Variants in MYOM3 observed in about 807,000 individuals in gnomAD.
The protein encoded by MYOM3 is myomesin 3, also known as myomesin-3.
In MYOM3, 155 loss-of-function variants were observed where a neutral mutation model predicts 191.7. That is an observed-to-expected ratio of 0.81 (90% CI 0.71 to 0.92). The LOEUF (loss-of-function observed/expected upper bound fraction) is 0.92. MYOM3 is among the 40% of genes least tolerant of loss of function. MYOM3 has a pLI of 0.00. For synonymous variants in MYOM3, 757 were observed against 762.9 expected, an observed-to-expected ratio of 0.99 and a Z score of 0.13; for missense variants, 1,889 against 1,890.6, an observed-to-expected ratio of 1.00 and a Z score of 0.02.
At position 24,080,195 on chromosome 1, in the gene MYOM3, C is replaced by T. The variant is rs1257657459; in HGVS notation, c.2408-1G>A. 2.5e-6 allele frequency: 4 copies of T among 1,605,746 alleles called. No homozygotes were observed. The highest frequency in any genetic ancestry group is 1.3e-5 in the African/African-American group (1 of 74,534). On this transcript the variant is annotated splice_acceptor_variant, in intron 19 of 36. Coordinates refer to ENST00000374434, the MANE Select transcript of MYOM3 (RefSeq NM_152372.4). LOFTEE classifies it high-confidence loss of function. ...GATGCCCGTACATCGTACGGGGGGCCTGTGACAAGTGAGAGATGGGAAGAG... is the reference window on the plus strand; with the variant it reads ...GATGCCCGTACATCGTACGGGGGGCTTGTGACAAGTGAGAGATGGGAAGAG...
chr1:24,093,928 G>A (rs112469030), intron 9 of MYOM3, among the ~76,000 whole-genome samples: 168 of 152,188 alleles, frequency 1.1e-3, no homozygotes, highest in African/African-American at 3.8e-3. Context: ...AGGTCCAGCC[G>A]TCGTCCTCCT....
intron 29 of MYOM3, among the ~76,000 whole-genome samples, chr1:24,065,410 T>C (rs1643421587): frequency 6.6e-6 from 1 of 152,076 alleles, no homozygotes; most frequent in Non-Finnish European, 1.5e-5. Flanking sequence ...GGGGGGAGAA[T>C]TGAGCTCCAG....
chr1:24,071,805 G>A (rs563597261), intron 24 of MYOM3, among the ~76,000 whole-genome samples, 164 bp downstream of exon 24: 1 of 152,118 alleles, frequency 6.6e-6, no homozygotes, highest in South Asian at 2.1e-4. Context: ...TTTTCCTTCC[G>A]TGAGCTTCCC....
At chr1:24,076,406 C>A in intron 20 of MYOM3, 133 bp from the exon 21 acceptor site, 1 of 619,084 alleles carries the variant, frequency 1.6e-6, no homozygotes, top group Non-Finnish European at 3.0e-6. Flanking sequence ...TTCCATGTGA[C>A]AAAGATGGCC....
intron 8 of MYOM3, 28 bp from the exon 9 acceptor site, chr1:24,095,018 A>G: frequency 6.2e-7 from 1 of 1,605,538 alleles, no homozygotes; most frequent in South Asian, 1.1e-5. Context: ...TTTGGGGCAG[A>G]AGTTTTTGAG....
intron 27 of MYOM3, among the ~76,000 whole-genome samples, chr1:24,067,643 A>T (rs1220708032): frequency 2.6e-5 from 4 of 151,632 alleles, no homozygotes; most frequent in African/African-American, 9.7e-5. Context: ...TGTATTTTTC[A>T]TAGAGATAGG....
At chr1:24,091,487 C>T (rs936434481) in intron 11 of MYOM3, among the ~76,000 whole-genome samples, 101 of 152,186 alleles carry the variant, frequency 6.6e-4, no homozygotes, top group Non-Finnish European at 2.6e-4. Flanking sequence ...CGACAGTGCA[C>T]GTTACCCTTA....
intron 28 of MYOM3, 102 bp from the exon 29 acceptor site, chr1:24,066,103 A>G (rs747238758): frequency 2.7e-5 from 22 of 800,226 alleles, no homozygotes; most frequent in Non-Finnish European, 4.5e-6. Flanking sequence ...GTCCTTTCAC[A>G]TACCATGTGT....
At position 24,111,529 on chromosome 1, in the gene MYOM3, G is replaced by A. The variant is rs1234995517; in HGVS notation, c.-19+502C>T. ...AGCTGAGGCAACTCCTTTCCCGTCTGGGCCTCGGTTTCCTGTCAGGCACTG... is the reference window on the plus strand; with the variant it reads ...AGCTGAGGCAACTCCTTTCCCGTCTAGGCCTCGGTTTCCTGTCAGGCACTG... On this transcript the variant is annotated intron_variant, in intron 1 of 36. Coordinates refer to ENST00000374434, the MANE Select transcript of MYOM3 (RefSeq NM_152372.4). The surrounding 1 kb of genome is among the most constrained non-coding windows in gnomAD (Gnocchi z 4.7). Among the ~76,000 whole-genome samples, 1 of 152,184 alleles carries A rather than the reference G, an allele frequency of 6.6e-6. No individual in the cohort carries two copies. The highest frequency in any genetic ancestry group is 2.4e-5 in the African/African-American group (1 of 41,444).
chr1:24,067,419 C>T (rs1229354534), intron 27 of MYOM3, among the ~76,000 whole-genome samples: 152 of 98,684 alleles, frequency 1.5e-3, no homozygotes, highest in Non-Finnish European at 2.1e-3. Context: ...TCCTTCCTTC[C>T]TTCCTTCCTT....
chr1:24,067,395 C>T (rs56286747), intron 27 of MYOM3, among the ~76,000 whole-genome samples: 1,824 of 28,938 alleles, frequency 0.063, 69 homozygotes, highest in South Asian at 0.13. Flanking sequence ...TTTTTCCTTC[C>T]TTCCTTCCTT....
chr1:24,071,318 C>T, intron 24 of MYOM3, 65 bp from the exon 25 acceptor site: 1 of 1,539,088 alleles, frequency 6.5e-7, no homozygotes, highest in Non-Finnish European at 8.8e-7. Flanking sequence ...TCCCTTCCAG[C>T]CCCACCTTGA....
In MYOM3 at chr1:24,108,492, G is replaced by T. The variant is rs773609917; in HGVS notation, c.145C>A (p.Arg49=). The change falls in exon 2 of 37, where the codon CGG becomes AGG. Residue 49 remains arginine, a synonymous_variant. Coordinates refer to ENST00000374434, the MANE Select transcript of MYOM3 (RefSeq NM_152372.4). ...GGCTCCCACCTGCTGCGGAAGGTCC[G>T]CCTCCGCACAGAGGAGCCCATGCGC... ...SLRMGSSVRR[R]TFRSSEEEHE... The T allele has an allele frequency of 3.2e-6, 5 of 1,565,726 alleles. No individual in the cohort carries two copies. The highest frequency in any genetic ancestry group is 3.5e-6 in the Non-Finnish European group (4 of 1,154,688).
chr1:24,085,232 G>A (rs925216958), intron 15 of MYOM3, among the ~76,000 whole-genome samples: 1 of 151,252 alleles, frequency 6.6e-6, no homozygotes, highest in African/African-American at 2.4e-5. Flanking sequence ...ATGGATGGAT[G>A]GACAGGTGGA....
chr1:24,067,284 CTTTCTTTCTTTCTTTCT>C lies in MYOM3; in HGVS notation c.3356-213_3356-197del, dbSNP rs1557602238. Reference sequence around the variant, plus strand: ...AATTTCTTTCTTTCTTTCTTCCTTCCTTTCTTTCTTTCTTTCTTTCCTTCTTTCTTTCTTTCTTTCCT... The same window carrying C: ...AATTTCTTTCTTTCTTTCTTCCTTCCTTCCTTCTTTCTTTCTTTCTTTCCT... On this transcript the variant is annotated intron_variant, in intron 27 of 36. Coordinates refer to ENST00000374434, the MANE Select transcript of MYOM3 (RefSeq NM_152372.4). Among the ~76,000 whole-genome samples the C allele has an allele frequency of 2.0e-4, 12 of 58,730 alleles. 1 individual carries two copies. Among genetic ancestry groups the C allele is most frequent in the South Asian group, 1.7e-3 (4 of 2,356 alleles). 38.5% of individuals were successfully genotyped at this position (58,730 alleles called of 152,430 possible). A position where few individuals can be genotyped will look rare whatever the true frequency, so the allele number is the denominator to read the frequency against.
At chr1:24,074,746 G>C (rs748165142) in intron 22 of MYOM3, among the ~76,000 whole-genome samples, 1 of 152,214 alleles carries the variant, frequency 6.6e-6, no homozygotes, top group Non-Finnish European at 1.5e-5. Flanking sequence ...AAGGTACTTA[G>C]TTAGAGGCAC....
chr1:24,082,946 T>G (rs1371572553), intron 16 of MYOM3: 22 of 428,736 alleles, frequency 5.1e-5, no homozygotes, highest in Admixed American at 9.1e-5. Context: ...GATCCACCCT[T>G]AAAACGCAAA....
Position 24,092,996 on chromosome 1 carries a change from C to T in MYOM3, c.1041G>A (p.Val347=), listed in dbSNP as rs373848788. 86 of 1,611,364 alleles carry T rather than the reference C, an allele frequency of 5.3e-5. No homozygotes were observed. The African/African-American group carries it at 1.1e-3, about 20-fold the overall frequency. Residue 347 remains valine, a synonymous_variant, in exon 10 of 37, where the codon GTG becomes GTA. Coordinates refer to ENST00000374434, the MANE Select transcript of MYOM3 (RefSeq NM_152372.4). ...GTTCCCGGGGTCCGAAGGGCGAGGG[C>T]ACCCGGACCATGTAGAGCCCCTCGT... ...KEDEGLYMVR[V]PSPFGPREQS... is the part of the protein sequence containing the mutation.
chr1:24,102,191 C>T (rs1000498740), intron 5 of MYOM3, among the ~76,000 whole-genome samples: 8 of 152,226 alleles, frequency 5.3e-5, no homozygotes, highest in African/African-American at 1.7e-4. Flanking sequence ...GGCAACCAAA[C>T]ACAGCCACAC....
Sources: gnomAD v4.1 joint callset for allele counts (sites outside exome capture counted in the v4.1 genomes callset) on GRCh38, gnomAD v4.1.1 for gene constraint, Gnocchi (gnomAD v3.1) non-coding constraint, MANE v1.5 for transcripts, NCBI Gene and HGNC (gene_info 2026-07-23, HGNC 2026-07-21) for gene names.